Variants in MTARC2 observed in about 807,000 individuals in gnomAD.
MTARC2 encodes MOCO sulphurase C-terminal domain containing 2.
Under a neutral mutation model 35.6 loss-of-function variants are expected in MTARC2, and 27 were observed. The ratio of observed to expected loss-of-function variants is 0.76; its 90% CI spans 0.56 to 1.04. The LOEUF is 1.04. Among genes scored for constraint, MTARC2 ranks in the 50% least tolerant of loss-of-function variants. The probability of loss-of-function intolerance (pLI) is 0.00; values close to 1 mark genes in which losing one functional copy is unlikely to be tolerated. For synonymous variants in MTARC2, 158 were observed against 167.1 expected (o/e 0.95, Z 0.42); for missense variants, 412 against 432.5 (o/e 0.95, Z 0.42).
In MTARC2 at chr1:220,780,864, G is replaced by A. The variant is rs529252966; in HGVS notation, c.884+625G>A. Among the ~76,000 whole-genome samples, 4 of 152,022 alleles carry A rather than the reference G, an allele frequency of 2.6e-5. No individual in the cohort carries two copies. In the East Asian group the frequency reaches 5.8e-4, roughly 22 times the overall value. ...GGCCTTAAACACTTTATTTAATCATGTTTATTGCAACTCAAATTCCTTTAT... is the reference window on the plus strand; with the variant it reads ...GGCCTTAAACACTTTATTTAATCATATTTATTGCAACTCAAATTCCTTTAT... On this transcript the variant is annotated intron_variant, in intron 6 of 7. Coordinates refer to ENST00000366913, the MANE Select transcript of MTARC2 (RefSeq NM_017898.5).
chr1:220,778,264 A>AG (rs1671970823), intron 4 of MTARC2, among the ~76,000 whole-genome samples: 1 of 145,274 alleles, frequency 6.9e-6, no homozygotes, highest in Non-Finnish European at 1.5e-5. Flanking sequence ...AAAAAAAAAA[A>AG]AAAAGAAAGA....
At chr1:220,758,260 G>A (rs1211663652) in intron 2 of MTARC2, among the ~76,000 whole-genome samples, 1 of 152,158 alleles carries the variant, frequency 6.6e-6, no homozygotes, top group Non-Finnish European at 1.5e-5. Flanking sequence ...AGGGATTACA[G>A]GCATGAGCCA....
intron 4 of MTARC2, among the ~76,000 whole-genome samples, chr1:220,774,746 C>T (rs754637886): frequency 3.9e-5 from 6 of 152,186 alleles, no homozygotes; most frequent in African/African-American, 7.2e-5. Context: ...TTCCACCTCA[C>T]TCTCAGCGGT....
chr1:220,761,016 A>G (rs144005178), intron 2 of MTARC2, among the ~76,000 whole-genome samples: 524 of 152,370 alleles, frequency 3.4e-3, no homozygotes, highest in South Asian at 0.026. Context: ...CTTATGATGA[A>G]AAAGTTTACC....
At chr1:220,760,025 G>C (rs530173908) in intron 2 of MTARC2, among the ~76,000 whole-genome samples, 1 of 152,254 alleles carries the variant, frequency 6.6e-6, no homozygotes, top group South Asian at 2.1e-4. Context: ...TTCCCACGGG[G>C]AGGGGCAAGC....
chr1:220,765,087 T>A (rs947164718), intron 4 of MTARC2, among the ~76,000 whole-genome samples: 10 of 152,126 alleles, frequency 6.6e-5, no homozygotes, highest in Non-Finnish European at 1.3e-4. Flanking sequence ...ACTACCTAAA[T>A]CTGCCTGGAG....
Position 220,760,021 on chromosome 1 carries a change from CGGGGAGGGGCAAGCCCTTCCCAT to C in MTARC2, c.447-1634_447-1612del, listed in dbSNP as rs1671399166. The stretch of plus-strand genomic sequence containing the variant: ...CCTCACACTGGTATGAGCCTTCCCA[CGGGGAGGGGCAAGCCCTTCCCAT>C]GGTAGATGAGGGTAGGGGAATCAAT... On this transcript the variant is annotated intron_variant, in intron 2 of 7. Transcript: ENST00000366913. 2.0e-5 allele frequency among the ~76,000 whole-genome samples: 3 copies of C among 152,208 alleles called. No individual in the cohort carries two copies. The South Asian group carries it at 6.2e-4, about 32-fold the overall frequency.
At chr1:220,770,417 G>A (rs933912986) in intron 4 of MTARC2, 15 of 985,328 alleles carry the variant, frequency 1.5e-5, no homozygotes, top group South Asian at 4.7e-5. Flanking sequence ...ACGGTGGTGC[G>A]CGGTATTCCC....
chr1:220,775,827 CTCTA>C (rs1671889114), intron 4 of MTARC2, among the ~76,000 whole-genome samples: 1 of 145,202 alleles, frequency 6.9e-6, no homozygotes, highest in Non-Finnish European at 1.5e-5. Flanking sequence ...TGGCCTCCAG[CTCTA>C]TCTATGTTGC....
chr1:220,780,343 C>G, intron 6 of MTARC2, 104 bp downstream of exon 6: 3 of 960,752 alleles, frequency 3.1e-6, no homozygotes, highest in Admixed American at 2.7e-5. Flanking sequence ...TGACCTTTCT[C>G]TCCGGAGAAC....
chr1:220,768,418 G>C (rs1052947175), intron 4 of MTARC2, among the ~76,000 whole-genome samples: 1 of 152,070 alleles, frequency 6.6e-6, no homozygotes, highest in Non-Finnish European at 1.5e-5. Context: ...GTAGTGTTTT[G>C]ATCCTTGTTT....
At chr1:220,753,590 T>C (rs540632875) in intron 1 of MTARC2, among the ~76,000 whole-genome samples, 331 of 152,266 alleles carry the variant, frequency 2.2e-3, no homozygotes, top group Middle Eastern at 0.014. Flanking sequence ...ATGGCTCTGG[T>C]CATATTTTGG....
At position 220,781,924 on chromosome 1, in the gene MTARC2, G is replaced by C. The variant is rs200796283; in HGVS notation, c.*23G>C. On this transcript the variant is annotated 3_prime_UTR_variant, in exon 7 of 8. Coordinates refer to ENST00000366913, the MANE Select transcript of MTARC2 (RefSeq NM_017898.5). ...TAGTGATGAGTGATGGATCCACTAG[G>C]GTGATATGGTAAAGGGTCAGCTTTG... is the stretch of plus-strand genomic sequence containing the variant. 6.2e-7 allele frequency: 1 copy of C among 1,611,570 alleles called. No individual in the cohort carries two copies. The highest frequency in any genetic ancestry group is 2.2e-5 in the East Asian group (1 of 44,808).
Position 220,767,121 on chromosome 1 carries a change from C to T in MTARC2, c.750+4071C>T, listed in dbSNP as rs554228989. Among the ~76,000 whole-genome samples, 8 of 152,090 alleles carry T rather than the reference C, an allele frequency of 5.3e-5. No individual in the cohort carries two copies. In the South Asian group the frequency reaches 6.2e-4, roughly 12 times the overall value. ...AATCAGGTAGAACACTGATTTTTCT[C>T]GAACAATCCTCTGGCCACGCACATT... On this transcript the variant is annotated intron_variant, in intron 4 of 7. Coordinates refer to ENST00000366913, the MANE Select transcript of MTARC2 (RefSeq NM_017898.5).
chr1:220,768,930 C>T (rs1406955103), intron 4 of MTARC2, among the ~76,000 whole-genome samples: 7 of 152,022 alleles, frequency 4.6e-5, no homozygotes, highest in Admixed American at 1.3e-4. Flanking sequence ...TTCTGACATG[C>T]GTATATTTTT....
chr1:220,773,850 C>A (rs1220907266), intron 4 of MTARC2, among the ~76,000 whole-genome samples: 2 of 151,814 alleles, frequency 1.3e-5, no homozygotes, highest in African/African-American at 2.4e-5. Context: ...TTATGAAAAA[C>A]AAATAATGTT....
chr1:220,780,409 C>T (rs1219442694), intron 6 of MTARC2, among the ~76,000 whole-genome samples, 170 bp downstream of exon 6: 1 of 151,578 alleles, frequency 6.6e-6, no homozygotes, highest in Non-Finnish European at 1.5e-5. Flanking sequence ...AGCACTGTTG[C>T]TTCCTCTCTT....
intron 4 of MTARC2, 94 bp from the exon 5 acceptor site, chr1:220,779,924 A>G (rs1672020015): frequency 4.2e-6 from 4 of 941,674 alleles, no homozygotes; most frequent in South Asian, 2.0e-5. Context: ...TTCTTCTGCT[A>G]TAATAGTTTC....
chr1:220,748,949 T>A, intron 1 of MTARC2, 146 bp downstream of exon 1: 8 of 1,129,710 alleles, frequency 7.1e-6, no homozygotes, highest in Non-Finnish European at 9.4e-6. Context: ...TGGTCGTTTA[T>A]CTGGGAAGGC....
Sources: gnomAD v4.1 joint callset for allele counts (sites outside exome capture counted in the v4.1 genomes callset) on GRCh38, gnomAD v4.1.1 for gene constraint, MANE v1.5 for transcripts, NCBI Gene and HGNC (gene_info 2026-07-23, HGNC 2026-07-21) for gene names.